The following BMPR2 variants were observed in gnomAD, a reference collection of about 807,000 sequenced individuals.
BMPR2 encodes the protein bone morphogenetic protein receptor type-2.
In BMPR2, 29 loss-of-function variants were observed where a neutral mutation model predicts 100.8. The ratio of observed to expected loss-of-function variants is 0.29; its 90% CI spans 0.21 to 0.39. The LOEUF (loss-of-function observed/expected upper bound fraction) is 0.39, where lower values mean the gene tolerates loss of function less well. Among genes scored for constraint, BMPR2 ranks in the 10% least tolerant of loss-of-function variants. The pLI, the probability that BMPR2 is intolerant of heterozygous loss-of-function variation, is 1.00. For synonymous variants in BMPR2, 382 were observed against 442.3 expected, an observed-to-expected ratio of 0.86 and a Z score of 1.71; for missense variants, 1,011 against 1,274.5, an observed-to-expected ratio of 0.79 and a Z score of 3.15.
chr2:202,415,560 T>C lies in BMPR2; in HGVS notation c.76+38010T>C, dbSNP rs182423117. ...TCAAAGGACAAGTCAGCTCTCTTGTTAGGGGCTAATACAGCTGGTGACTTT... is the reference window on the plus strand; with the variant it reads ...TCAAAGGACAAGTCAGCTCTCTTGTCAGGGGCTAATACAGCTGGTGACTTT... On this transcript the variant is annotated intron_variant, in intron 1 of 12. Coordinates refer to ENST00000374580, the MANE Select transcript of BMPR2 (RefSeq NM_001204.7). Among the ~76,000 whole-genome samples the C allele has an allele frequency of 1.5e-3, 225 of 152,320 alleles. 1 individual carries two copies. The highest frequency in any genetic ancestry group is 5.0e-3 in the African/African-American group (209 of 41,584).
chr2:202,555,339 T>C lies in BMPR2; in HGVS notation c.1674T>C (p.His558=). 1 of 1,614,198 alleles carries C rather than the reference T, an allele frequency of 6.2e-7. No homozygotes were observed. The highest frequency in any genetic ancestry group is 2.2e-5 in the East Asian group (1 of 44,888). ...CATACATTGAAGACTCTATCCATCA[T>C]ACTGACAGCATCGTGAAGAATATTT... The part of the protein sequence containing the change: ...SSSYIEDSIH[H]TDSIVKNISS... Residue 558 remains histidine, a synonymous_variant, in exon 12 of 13, where the codon CAT becomes CAC. Coordinates refer to ENST00000374580, the MANE Select transcript of BMPR2 (RefSeq NM_001204.7).
rs1004302750 is a variant in BMPR2 at position 202,538,815 on chromosome 2, A to G, written c.1277-3496A>G. 5.3e-5 allele frequency among the ~76,000 whole-genome samples: 8 copies of G among 150,404 alleles called. No individual in the cohort carries two copies. The South Asian group carries it at 1.5e-3, about 28-fold the overall frequency. On this transcript the variant is annotated intron_variant, in intron 9 of 12. Coordinates refer to ENST00000374580, the MANE Select transcript of BMPR2 (RefSeq NM_001204.7). Reference sequence around the variant, plus strand: ...TCTCAAAAAAAAAAAAAAAAAAAAAAGTGAGGGTCAGAGTGGCAACCAGAA... The same window carrying G: ...TCTCAAAAAAAAAAAAAAAAAAAAAGGTGAGGGTCAGAGTGGCAACCAGAA...
intron 1 of BMPR2, among the ~76,000 whole-genome samples, chr2:202,445,692 T>C (rs1691835034): frequency 6.7e-6 from 1 of 150,262 alleles, no homozygotes; most frequent in Non-Finnish European, 1.5e-5. Context: ...ACTCCTGGGC[T>C]CAAGTGATCC....
intron 1 of BMPR2, among the ~76,000 whole-genome samples, chr2:202,441,778 A>G (rs1256079691): frequency 6.7e-6 from 1 of 148,430 alleles, no homozygotes; most frequent in Non-Finnish European, 1.5e-5. Flanking sequence ...TCACGCCTGT[A>G]ATCCCAGCAC....
intron 1 of BMPR2, among the ~76,000 whole-genome samples, chr2:202,384,921 C>G (rs752272675): frequency 1.3e-5 from 2 of 151,966 alleles, no homozygotes; most frequent in African/African-American, 2.4e-5. Flanking sequence ...AAAACCAGAT[C>G]TCACTTCCCC....
Position 202,567,450 on chromosome 2 carries a change from C to G in BMPR2, c.*7504C>G, listed in dbSNP as rs1688782912. The G allele has an allele frequency of 6.6e-6, 1 of 152,564 alleles. No individual in the cohort carries two copies. The highest frequency in any genetic ancestry group is 1.5e-5 in the Non-Finnish European group (1 of 68,036). The allele number at this position is 152,564 out of a possible 1,614,324, so 9.5% of individuals were successfully genotyped here. On this transcript the variant is annotated 3_prime_UTR_variant, in exon 13 of 13. Transcript: ENST00000374580. ...GTTATTTTGCTTTTGTATAAGCTGT[C>G]TGAAGCCTTGCTATGCTGTATAAGT...
chr2:202,483,742 T>G (rs1316181686), intron 3 of BMPR2, among the ~76,000 whole-genome samples: 2 of 152,172 alleles, frequency 1.3e-5, no homozygotes, highest in Non-Finnish European at 2.9e-5. Context: ...TTATCTATTC[T>G]TTTGCTGCCT....
chr2:202,560,165 G>C lies in BMPR2; in HGVS notation c.*219G>C, dbSNP rs991738175. The C allele has an allele frequency of 5.2e-6, 3 of 574,594 alleles. No homozygotes were observed. In the African/African-American group the frequency reaches 5.6e-5, roughly 11 times the overall value. The allele number at this position is 574,594 out of a possible 1,614,324, so 35.6% of individuals were successfully genotyped here. On this transcript the variant is annotated 3_prime_UTR_variant, in exon 13 of 13. Coordinates refer to ENST00000374580, the MANE Select transcript of BMPR2 (RefSeq NM_001204.7). ...TTTTTAAGTTTTGCACTTTTGTTTA[G>C]TCTCGCTAAAGTTATATTTGTCTGT... is the stretch of plus-strand genomic sequence containing the variant.
intron 6 of BMPR2, 37 bp downstream of exon 6, chr2:202,519,089 T>C: frequency 6.3e-7 from 1 of 1,594,892 alleles, no homozygotes; most frequent in Non-Finnish European, 8.6e-7. Context: ...AGGCCAGGTG[T>C]GGTGGCTTAT....
chr2:202,527,577 A>G (rs901733530), intron 7 of BMPR2, among the ~76,000 whole-genome samples: 1 of 147,828 alleles, frequency 6.8e-6, no homozygotes, highest in Non-Finnish European at 1.5e-5. Flanking sequence ...TGAGGTCAGG[A>G]GATCGAGACC....
chr2:202,490,996 T>C (rs1357509184), intron 3 of BMPR2, among the ~76,000 whole-genome samples: 1 of 152,126 alleles, frequency 6.6e-6, no homozygotes, highest in East Asian at 1.9e-4. Flanking sequence ...AGTGGCACAA[T>C]TTTGACTCAC....
At chr2:202,427,127 G>C (rs1254259830) in intron 1 of BMPR2, among the ~76,000 whole-genome samples, 1 of 152,088 alleles carries the variant, frequency 6.6e-6, no homozygotes, top group African/African-American at 2.4e-5. Flanking sequence ...GAGGCGGGAG[G>C]ATCACTTGAG....
chr2:202,376,530 GGCGGCGGCGGCGGCGGCA>G lies in BMPR2; in HGVS notation c.-942_-925del, dbSNP rs933827592. On this transcript the variant is annotated 5_prime_UTR_variant, in exon 1 of 13. Transcript: ENST00000374580. ...AGAACGAGGCGGCGGCGGCGGCGGC[GGCGGCGGCGGCGGCGGCA>G]GCAGCAGCGGCTTCCTCGGGGGGTT... Among the ~76,000 whole-genome samples, 4 of 142,654 alleles carry G rather than the reference GGCGGCGGCGGCGGCGGCA, an allele frequency of 2.8e-5. No individual in the cohort carries two copies. Among genetic ancestry groups the G allele is most frequent in the Non-Finnish European group, 6.1e-5 (4 of 65,536 alleles). The allele number at this position is 142,654 out of a possible 152,430, so 93.6% of individuals were successfully genotyped here. A position where few individuals can be genotyped will look rare whatever the true frequency, so the allele number is the denominator to read the frequency against.
chr2:202,548,093 A>T (rs981982063), intron 10 of BMPR2, among the ~76,000 whole-genome samples: 6 of 152,152 alleles, frequency 3.9e-5, no homozygotes, highest in Non-Finnish European at 7.3e-5. Flanking sequence ...TTAAAAAAAA[A>T]AAATGCGGCA....
chr2:202,520,015 G>C (rs1277709369), intron 6 of BMPR2, 72 bp from the exon 7 acceptor site: 2 of 929,212 alleles, frequency 2.2e-6, no homozygotes, highest in African/African-American at 3.3e-5. Context: ...TTATAAGGAT[G>C]CTAATTTACT....
chr2:202,526,223 C>CATAGA (rs1233548399), intron 7 of BMPR2, among the ~76,000 whole-genome samples: 2 of 152,140 alleles, frequency 1.3e-5, no homozygotes, highest in East Asian at 3.9e-4. Flanking sequence ...CACCTCACCT[C>CATAGA]ATAGATACCC....
chr2:202,552,991 A>T (rs1688509180), intron 11 of BMPR2, 103 bp downstream of exon 11: 4 of 1,351,664 alleles, frequency 3.0e-6, no homozygotes, highest in Non-Finnish European at 4.2e-6. Context: ...TAGTTCAATG[A>T]TTACCTCATA....
intron 10 of BMPR2, among the ~76,000 whole-genome samples, chr2:202,549,980 G>T (rs143522608): frequency 2.0e-5 from 3 of 152,070 alleles, no homozygotes; most frequent in Admixed American, 2.0e-4. Flanking sequence ...ATCATAGCTC[G>T]CTACAGCCTT....
Position 202,440,466 on chromosome 2 carries a change from G to A in BMPR2, c.77-24343G>A, listed in dbSNP as rs547249820. On this transcript the variant is annotated intron_variant, in intron 1 of 12. Coordinates refer to ENST00000374580, the MANE Select transcript of BMPR2 (RefSeq NM_001204.7). ...GACGGGATGGCTGCCGGGAAGAGGC[G>A]CTCCTCACTTCCCAGACTGGGCGGC... is the stretch of plus-strand genomic sequence containing the variant. 2.4e-3 allele frequency among the ~76,000 whole-genome samples: 360 copies of A among 148,834 alleles called. 25 individuals carry two copies. Among genetic ancestry groups the A allele is most frequent in the African/African-American group, 8.7e-3 (338 of 38,810 alleles).
Sources: allele counts gnomAD v4.1 joint callset (sites outside exome capture counted in the v4.1 genomes callset), GRCh38; gene constraint gnomAD v4.1.1; transcripts MANE v1.5; gene names NCBI Gene and HGNC (gene_info 2026-07-23, HGNC 2026-07-21).